ZNF44: variants seen among roughly 807,000 people sequenced by gnomAD.
ZNF44 encodes the protein zinc finger protein 44, also known as gonadotropin inducible transcription repressor-2.
Under a neutral mutation model 11.7 loss-of-function variants are expected in ZNF44, and 9 were observed. The ratio of observed to expected loss-of-function variants is 0.77; its 90% CI spans 0.46 to 1.35. The LOEUF is 1.35. Ranked by LOEUF, ZNF44 falls within the 40% of genes most tolerant of loss-of-function variation. The pLI is 0.00. For synonymous variants in ZNF44, 224 were observed against 242.7 expected, an observed-to-expected ratio of 0.92 and a Z score of 0.72; for missense variants, 696 against 743.1, an observed-to-expected ratio of 0.94 and a Z score of 0.74.
In ZNF44 at chr19:12,275,005, A is replaced by G; in HGVS notation, c.159T>C (p.Asp53=). The G allele has an allele frequency of 6.3e-7, 1 of 1,592,480 alleles. No individual in the cohort carries two copies. Among genetic ancestry groups the G allele is most frequent in the Non-Finnish European group, 8.6e-7 (1 of 1,169,262 alleles). ...TTCTCCTGAGATTTTGGTGCTGATC[A>G]TCAATGTTCTGGTTTTCCCATTTCA... The part of the protein sequence containing the change: ...IGMKWENQNI[D]DQHQNLRRNP... The change falls in exon 3 of 4, where the codon GAT becomes GAC. Residue 53 remains aspartate (D), a synonymous_variant. Coordinates refer to ENST00000355684, the MANE Select transcript of ZNF44 (RefSeq NM_016264.4).
At chr19:12,276,109 G>A (rs1390611692) in intron 1 of ZNF44, 27 bp from the exon 2 acceptor site, 2 of 1,590,982 alleles carry the variant, frequency 1.3e-6, no homozygotes, top group Non-Finnish European at 1.7e-6. Flanking sequence ...GTCCAGAAAA[G>A]GAAGGTTGAA....
rs556952956 is a variant in ZNF44, at chr19:12,286,011, T to C, written c.3+8681A>G. On this transcript the variant is annotated intron_variant, in intron 1 of 3. Coordinates refer to ENST00000355684, the MANE Select transcript of ZNF44 (RefSeq NM_016264.4). ...TCTAGCCTGGGTGACAGAGCGAGAC[T>C]CCATCTCAAAAAAAACTCAAAAAAA... is the stretch of plus-strand genomic sequence containing the variant. Among the ~76,000 whole-genome samples, 9 of 151,696 alleles carry C rather than the reference T, an allele frequency of 5.9e-5. No individual in the cohort carries two copies. The South Asian group carries it at 6.2e-4, about 10-fold the overall frequency.
intron 5 of ZNF44, among the ~76,000 whole-genome samples, chr19:12,255,123 CACACACA>C (rs1917189674): frequency 6.6e-6 from 1 of 151,324 alleles, no homozygotes; most frequent in African/African-American, 2.4e-5. Context: ...CACACACACA[CACACACA>C]CACCCCTTTG....
In ZNF44 at chr19:12,273,956, A is replaced by G. The variant is rs1355849337; in HGVS notation, c.299T>C (p.Val100Ala). 1.2e-6 allele frequency: 2 copies of G among 1,613,882 alleles called. No individual in the cohort carries two copies. Among genetic ancestry groups the G allele is most frequent in the Non-Finnish European group, 1.7e-6 (2 of 1,179,974 alleles). Residue 100 changes from valine (V) to alanine (A), a missense_variant, in exon 4 of 4, where the codon GTA (valine) becomes GCA (alanine). Coordinates refer to ENST00000355684, the MANE Select transcript of ZNF44 (RefSeq NM_016264.4). ...ATTCACACTGCTTCCACATGCATCT[A>G]CTCTGGCGGGAGTGTTCTTGTTTAC... ...SIVNKNTPAR[V>A]DACGSSVNGE...
intron 1 of ZNF44, chr19:12,285,162 G>A: frequency 1.8e-6 from 1 of 560,140 alleles, no homozygotes; most frequent in Non-Finnish European, 3.2e-6. Context: ...GAGGACCCAG[G>A]CTCCAGCTGT....
intron 1 of ZNF44, among the ~76,000 whole-genome samples, chr19:12,286,378 G>A (rs1034924129): frequency 4.9e-4 from 75 of 152,304 alleles, no homozygotes; most frequent in African/African-American, 1.8e-3. Flanking sequence ...GCTCATGCCT[G>A]TAATCCCAGC....
downstream of ZNF44, among the ~76,000 whole-genome samples, chr19:12,243,463 G>C (rs1013359278): frequency 1.3e-5 from 2 of 152,144 alleles, no homozygotes; most frequent in African/African-American, 4.8e-5. Flanking sequence ...TTATTTTATA[G>C]TGTCCACCAG....
chr19:12,287,667 C>T (rs1476507996), intron 1 of ZNF44, among the ~76,000 whole-genome samples: 7 of 152,150 alleles, frequency 4.6e-5, no homozygotes, highest in African/African-American at 1.7e-4. Context: ...GAATAGTATT[C>T]CACTGTGTGA....
At chr19:12,267,034 T>C (rs886869538), downstream of ZNF44, among the ~76,000 whole-genome samples, 3 of 143,884 alleles carry the variant, frequency 2.1e-5, no homozygotes, top group African/African-American at 7.8e-5. Flanking sequence ...TACTCATTTT[T>C]TCTTTTTTCT....
At chr19:12,284,389 G>A in intron 1 of ZNF44, 1 of 619,566 alleles carries the variant, frequency 1.6e-6, no homozygotes, top group African/African-American at 1.8e-5. Context: ...GGGGACCCTG[G>A]GATGGGGAAC....
intron 1 of ZNF44, chr19:12,284,995 C>T: frequency 1.4e-6 from 1 of 712,640 alleles, no homozygotes; most frequent in South Asian, 1.5e-5. Flanking sequence ...GGCTGCACTG[C>T]CATCCTGGGC....
In ZNF44 at chr19:12,275,473, C is replaced by T. The variant is rs192402528; in HGVS notation, c.131-440G>A. Among the ~76,000 whole-genome samples the T allele has an allele frequency of 3.0e-4, 45 of 152,130 alleles. No homozygotes were observed. In the East Asian group the frequency reaches 8.3e-3, roughly 28 times the overall value. Reference sequence around the variant, plus strand: ...ACCATCCTGGCTAACATGTTGAAACCCTGTCTCTACTAAAAATACAAAAAA... The same window carrying T: ...ACCATCCTGGCTAACATGTTGAAACTCTGTCTCTACTAAAAATACAAAAAA... On this transcript the variant is annotated intron_variant, in intron 2 of 3. Coordinates refer to ENST00000355684, the MANE Select transcript of ZNF44 (RefSeq NM_016264.4).
intron 5 of ZNF44, among the ~76,000 whole-genome samples, chr19:12,252,200 TAAG>T (rs1917035617): frequency 6.6e-6 from 1 of 152,146 alleles, no homozygotes; most frequent in African/African-American, 2.4e-5. Flanking sequence ...TTCTCCAATT[TAAG>T]AAGGAAGTGA....
chr19:12,225,479 T>A (rs959000822), downstream of ZNF44, among the ~76,000 whole-genome samples: 2 of 152,204 alleles, frequency 1.3e-5, no homozygotes, highest in African/African-American at 4.8e-5. Context: ...GATTGGCTGA[T>A]ATAGAAACAA....
chr19:12,285,377 T>A (rs1413643122), intron 1 of ZNF44, among the ~76,000 whole-genome samples: 3 of 152,124 alleles, frequency 2.0e-5, no homozygotes, highest in Non-Finnish European at 4.4e-5. Context: ...TGGCTCAGCC[T>A]CCCGAGTAGC....
downstream of ZNF44, among the ~76,000 whole-genome samples, chr19:12,270,955 G>A (rs1458869479): frequency 6.6e-6 from 1 of 152,114 alleles, no homozygotes; most frequent in Non-Finnish European, 1.5e-5. Flanking sequence ...CCCCAAGACT[G>A]ATACAGCAGT....
At position 12,260,506 on chromosome 19, in the gene ZNF44, G is replaced by A. The variant is rs531112506; in HGVS notation, c.1913-10138C>T. ...AGCCAGAAGCCTGTGATGGTGAAGCGGAAGCGGACCCGCGCCACCAAGAGC... is the reference window on the plus strand; with the variant it reads ...AGCCAGAAGCCTGTGATGGTGAAGCAGAAGCGGACCCGCGCCACCAAGAGC... On this transcript the variant is annotated intron_variant and NMD_transcript_variant, in intron 5 of 7. Transcript: ENST00000393337. 1,592 of 1,250,458 alleles carry A rather than the reference G, an allele frequency of 1.3e-3. 41 individuals carry two copies. In the South Asian group the frequency reaches 0.02, roughly 15 times the overall value. The allele number at this position is 1,250,458 out of a possible 1,614,324, so 77.5% of individuals were successfully genotyped here. A position where few individuals can be genotyped will look rare whatever the true frequency, so the allele number is the denominator to read the frequency against.
chr19:12,250,161 C>CAT, intron 6 of ZNF44: 1 of 1,261,474 alleles, frequency 7.9e-7, no homozygotes, highest in South Asian at 1.3e-5. Flanking sequence ...TCACATTCCA[C>CAT]ATCTTGGAAT....
At chr19:12,244,315 T>C (rs1428085692), downstream of ZNF44, among the ~76,000 whole-genome samples, 2 of 152,218 alleles carry the variant, frequency 1.3e-5, no homozygotes, top group Admixed American at 6.5e-5. Flanking sequence ...CCTAAACTTA[T>C]GAGTGTTCCA....
Sources: gnomAD v4.1 joint callset for allele counts (sites outside exome capture counted in the v4.1 genomes callset) on GRCh38, gnomAD v4.1.1 for gene constraint, MANE v1.5 for transcripts, NCBI Gene and HGNC (gene_info 2026-07-23, HGNC 2026-07-21) for gene names.